SKA1: variants seen among roughly 807,000 people sequenced by gnomAD.
SKA1 encodes SKA complex subunit 1.
SKA1 carries 20 observed loss-of-function variants against 31.8 expected under a neutral mutation model. The observed-to-expected ratio is 0.63, with a 90% CI of 0.44 to 0.91. The LOEUF (loss-of-function observed/expected upper bound fraction) is 0.91, where lower values mean the gene tolerates loss of function less well. SKA1 is among the 40% of genes least tolerant of loss of function. The probability of loss-of-function intolerance (pLI) is 0.00; values close to 1 mark genes in which losing one functional copy is unlikely to be tolerated. For synonymous variants in SKA1, 88 were observed against 100.5 expected (o/e 0.88, Z 0.74); for missense variants, 253 against 298.2 (o/e 0.85, Z 1.12).
intron 6 of SKA1, among the ~76,000 whole-genome samples, chr18:50,391,643 G>A (rs532474004): frequency 2.6e-5 from 4 of 152,286 alleles, no homozygotes; most frequent in African/African-American, 9.6e-5. Context: ...TTAGGAAATT[G>A]AATAGTAATG....
rs2041370133 is a variant in SKA1 at position 50,392,818 on chromosome 18, C to T, written c.*571C>T. 6.6e-6 allele frequency: 1 copy of T among 151,266 alleles called. No homozygotes were observed. The highest frequency in any genetic ancestry group is 1.5e-5 in the Non-Finnish European group (1 of 67,980). 9.4% of individuals were successfully genotyped at this position (151,266 alleles called of 1,614,324 possible). ...TATCTCGGCTCACTGCAAACTCTGC[C>T]TCCCAGGTTCACGCCATCCTCCTGC... On this transcript the variant is annotated 3_prime_UTR_variant, in exon 7 of 7. Transcript: ENST00000285116.
intron 1 of SKA1, 88 bp from the exon 2 acceptor site, chr18:50,375,732 T>G: frequency 1.3e-6 from 1 of 765,090 alleles, no homozygotes; most frequent in Non-Finnish European, 2.2e-6. Context: ...TGTGATTTAC[T>G]TGACATTGAC....
intron 3 of SKA1, among the ~76,000 whole-genome samples, chr18:50,381,053 A>AAAGACATTATATAAAT (rs1246498668): frequency 6.6e-6 from 1 of 152,254 alleles, no homozygotes; most frequent in Non-Finnish European, 1.5e-5. Context: ...TCTTCAAGGA[A>AAAGACATTATATAAAT]AAGACATTAT....
At chr18:50,388,293 T>C (rs924868176) in intron 5 of SKA1, among the ~76,000 whole-genome samples, 3 of 152,142 alleles carry the variant, frequency 2.0e-5, no homozygotes, top group African/African-American at 7.2e-5. Flanking sequence ...GGTTTCACCA[T>C]GTTAGCCAGG....
chr18:50,389,375 C>CTTTTTTTTTTTTT (rs756288352), intron 5 of SKA1, among the ~76,000 whole-genome samples: 6 of 86,136 alleles, frequency 7.0e-5, no homozygotes, highest in African/African-American at 3.0e-4. Flanking sequence ...CTTTACCTTT[C>CTTTTTTTTTTTTT]TTTTTTTTTT....
intron 5 of SKA1, among the ~76,000 whole-genome samples, chr18:50,388,977 TACTC>T (rs1357423723): frequency 6.6e-6 from 1 of 152,152 alleles, no homozygotes; most frequent in Non-Finnish European, 1.5e-5. Context: ...TTCCTACAGT[TACTC>T]ACTCCAGTGG....
At chr18:50,386,423 G>A (rs1316751342) in intron 5 of SKA1, among the ~76,000 whole-genome samples, 5 of 152,094 alleles carry the variant, frequency 3.3e-5, no homozygotes, top group Non-Finnish European at 5.9e-5. Flanking sequence ...ATATTTCTTA[G>A]AACCTTTGTT....
intron 2 of SKA1, among the ~76,000 whole-genome samples, chr18:50,379,660 A>G (rs996016638): frequency 2.0e-5 from 3 of 152,106 alleles, no homozygotes; most frequent in Non-Finnish European, 2.9e-5. Flanking sequence ...AATATATTCA[A>G]TTGCTGAGAT....
intron 2 of SKA1, among the ~76,000 whole-genome samples, chr18:50,376,686 T>C (rs1485982748): frequency 1.3e-5 from 2 of 152,250 alleles, no homozygotes; most frequent in African/African-American, 4.8e-5. Flanking sequence ...CTTAGCTTAC[T>C]ATAACTTTTT....
intron 5 of SKA1, among the ~76,000 whole-genome samples, chr18:50,389,375 C>CTT (rs756288352): frequency 8.8e-4 from 76 of 86,128 alleles, no homozygotes; most frequent in South Asian, 3.4e-3. Flanking sequence ...CTTTACCTTT[C>CTT]TTTTTTTTTT....
At chr18:50,387,317 G>A (rs890109805) in intron 5 of SKA1, among the ~76,000 whole-genome samples, 6 of 152,178 alleles carry the variant, frequency 3.9e-5, no homozygotes, top group African/African-American at 1.4e-4. Flanking sequence ...CTGAGCTATC[G>A]AAGGAAGCAC....
rs1454124434 is a variant in SKA1 at position 50,391,173 on chromosome 18, G to T, written c.499G>T (p.Glu167Ter). The T allele has an allele frequency of 2.5e-6, 4 of 1,582,922 alleles. No homozygotes were observed. In the South Asian group the frequency reaches 3.5e-5, roughly 14 times the overall value. ...TYNQINDVIK[E>*]INKAVISKYK... ...TAATCAAATTAATGATGTTATTAAA[G>T]AAATCAACAAGGCAGTAATTAGTAA... Residue 167 changes from glutamate (E) to a stop codon, truncating the protein, a stop_gained, in exon 6 of 7, where the codon GAA becomes TAA. Transcript: ENST00000285116. LOFTEE classifies it high-confidence loss of function.
intron 4 of SKA1, among the ~76,000 whole-genome samples, chr18:50,384,347 T>C (rs894181710): frequency 6.6e-6 from 1 of 152,170 alleles, no homozygotes; most frequent in Non-Finnish European, 1.5e-5. Context: ...CTTTCCTATG[T>C]CTTGACTTGC....
chr18:50,380,280 A>G, intron 3 of SKA1, 30 bp downstream of exon 3: 1 of 1,527,218 alleles, frequency 6.5e-7, no homozygotes, highest in Non-Finnish European at 8.7e-7. Context: ...GAAGCAGTAA[A>G]AAAGACAATA....
chr18:50,375,816 T>A lies in SKA1; in HGVS notation c.-11-4T>A, dbSNP rs749877173. 2 of 1,551,616 alleles carry A rather than the reference T, an allele frequency of 1.3e-6. No individual in the cohort carries two copies. Among genetic ancestry groups the A allele is most frequent in the Admixed American group, 4.1e-5 (2 of 49,214 alleles). On this transcript the variant is annotated splice_polypyrimidine_tract_variant and splice_region_variant and intron_variant, in intron 1 of 6. Coordinates refer to ENST00000285116, the MANE Select transcript of SKA1 (RefSeq NM_145060.4). ...TACGAATATGTTTATGTTTTTTTCTTCAGAGGCTTAAAGGATGGCCTCGTC... is the reference window on the plus strand; with the variant it reads ...TACGAATATGTTTATGTTTTTTTCTACAGAGGCTTAAAGGATGGCCTCGTC...
At position 50,392,824 on chromosome 18, in the gene SKA1, G is replaced by C. The variant is rs1009916855; in HGVS notation, c.*577G>C. On this transcript the variant is annotated 3_prime_UTR_variant, in exon 7 of 7. Transcript: ENST00000285116. ...GGCTCACTGCAAACTCTGCCTCCCA[G>C]GTTCACGCCATCCTCCTGCCTCAGC... 1.3e-5 allele frequency: 2 copies of C among 150,652 alleles called. No homozygotes were observed. Among genetic ancestry groups the C allele is most frequent in the African/African-American group, 4.9e-5 (2 of 40,830 alleles). The allele number at this position is 150,652 out of a possible 1,614,324, so 9.3% of individuals were successfully genotyped here.
chr18:50,381,584 ATAGTGATTG>A (rs1204090254), intron 3 of SKA1, among the ~76,000 whole-genome samples: 2 of 152,220 alleles, frequency 1.3e-5, no homozygotes, highest in African/African-American at 4.8e-5. Context: ...CAATGTGATT[ATAGTGATTG>A]TTCCCTGAAA....
In SKA1 at chr18:50,375,243, G is replaced by GAT; in HGVS notation, c.-12+49_-12+50insAT. The stretch of plus-strand genomic sequence containing the variant: ...CCTGCCTTTGGAAGCGCCCGAGGTA[G>GAT]CTGCTTGGCAGCTGGGGGCCGCGGA... On this transcript the variant is annotated intron_variant, in intron 1 of 6. Coordinates refer to ENST00000285116, the MANE Select transcript of SKA1 (RefSeq NM_145060.4). The GAT allele has an allele frequency of 2.6e-5, 4 of 152,724 alleles. 2 individuals carry two copies. The highest frequency in any genetic ancestry group is 5.9e-5 in the Non-Finnish European group (4 of 68,332). 9.5% of individuals were successfully genotyped at this position (152,724 alleles called of 1,614,324 possible).
At chr18:50,383,989 G>C (rs1365891612) in intron 4 of SKA1, among the ~76,000 whole-genome samples, 1 of 152,202 alleles carries the variant, frequency 6.6e-6, no homozygotes, top group Non-Finnish European at 1.5e-5. Flanking sequence ...GCATTTGACT[G>C]TCATCTTGGG....
Sources: allele counts gnomAD v4.1 joint callset (sites outside exome capture counted in the v4.1 genomes callset), GRCh38; gene constraint gnomAD v4.1.1; transcripts MANE v1.5; gene names NCBI Gene and HGNC (gene_info 2026-07-23, HGNC 2026-07-21).